The following PRKCZ variants were observed in gnomAD, a reference collection of about 807,000 sequenced individuals.
PRKCZ encodes the protein protein kinase C zeta, also known as protein kinase C zeta type.
PRKCZ carries 33 observed loss-of-function variants against 79.5 expected under a neutral mutation model. That is an observed-to-expected ratio of 0.41 (90% CI 0.31 to 0.55). The LOEUF (loss-of-function observed/expected upper bound fraction) is 0.55. Ranked by LOEUF, PRKCZ falls within the 20% of genes least tolerant of loss-of-function variation. PRKCZ has a pLI of 0.19. For missense variants in PRKCZ, 578 were observed against 813.5 expected (o/e 0.71, Z 3.52); for synonymous variants, 342 against 320.9 (o/e 1.07, Z -0.70).
chr1:2,157,817 A>T (rs932477799), intron 10 of PRKCZ, among the ~76,000 whole-genome samples: 1 of 151,104 alleles, frequency 6.6e-6, no homozygotes, highest in African/African-American at 2.4e-5. Flanking sequence ...TGCTGGGATT[A>T]CAGGTGTCCA....
intron 5 of PRKCZ, among the ~76,000 whole-genome samples, chr1:2,139,538 G>A (rs187203138): frequency 3.9e-5 from 6 of 152,224 alleles, no homozygotes; most frequent in Admixed American, 2.0e-4. Context: ...GTAGTGAGCC[G>A]AGATGGCACC....
intron 10 of PRKCZ, chr1:2,169,149 C>G (rs557746096): frequency 8.9e-5 from 41 of 459,754 alleles, no homozygotes; most frequent in African/African-American, 8.0e-4. Context: ...CTGCCTCGCT[C>G]CAGCCCCCAG....
At chr1:2,129,046 G>T (rs905487542) in intron 4 of PRKCZ, among the ~76,000 whole-genome samples, 25 of 152,120 alleles carry the variant, frequency 1.6e-4, no homozygotes, top group Non-Finnish European at 2.9e-5. Context: ...TGTGACTTTT[G>T]AGGGGTGGGG....
intron 2 of PRKCZ, 54 bp from the exon 3 acceptor site, chr1:2,056,429 GC>G: frequency 6.6e-7 from 1 of 1,520,260 alleles, no homozygotes; most frequent in South Asian, 1.2e-5. Flanking sequence ...GCTCGTCACA[GC>G]CCCCTTTGCC....
chr1:2,083,603 C>T (rs1322275266), intron 4 of PRKCZ, among the ~76,000 whole-genome samples: 1 of 152,194 alleles, frequency 6.6e-6, no homozygotes, highest in Non-Finnish European at 1.5e-5. Flanking sequence ...TGAGCCATCA[C>T]ACCTGCCTCT....
In PRKCZ at chr1:2,159,135, G is replaced by T. The variant is rs767708159; in HGVS notation, c.974+3043G>T. Among the ~76,000 whole-genome samples, 79 of 152,200 alleles carry T rather than the reference G, an allele frequency of 5.2e-4. 2 individuals are homozygous for T. Among genetic ancestry groups the T allele is most frequent in the Admixed American group, 3.2e-3 (49 of 15,286 alleles). On this transcript the variant is annotated intron_variant, in intron 10 of 17. Coordinates refer to ENST00000378567, the MANE Select transcript of PRKCZ (RefSeq NM_002744.6). The stretch of plus-strand genomic sequence containing the variant: ...AGAAACGGGGTGAGCTCCGGGTTGG[G>T]GGGAGGACCGGCAGCTGCCTTAGTC...
chr1:2,124,999 T>C (rs996155594), intron 4 of PRKCZ, among the ~76,000 whole-genome samples: 3 of 152,200 alleles, frequency 2.0e-5, no homozygotes, highest in Non-Finnish European at 4.4e-5. Flanking sequence ...TTCTGAGTTA[T>C]TGTGACTCAG....
chr1:2,148,688 AGGTGT>A (rs1302985182), intron 7 of PRKCZ, among the ~76,000 whole-genome samples, 179 bp from the exon 8 acceptor site: 3 of 152,240 alleles, frequency 2.0e-5, no homozygotes, highest in African/African-American at 4.8e-5. Context: ...CAGAGTCGGC[AGGTGT>A]GAGTGGGGCC....
chr1:2,057,671 AC>A (rs967317613), intron 3 of PRKCZ, among the ~76,000 whole-genome samples: 2 of 151,868 alleles, frequency 1.3e-5, no homozygotes, highest in African/African-American at 4.8e-5. Flanking sequence ...TTCAAGACCA[AC>A]CTGGGCAACA....
chr1:2,095,076 G>A (rs2102523451), intron 4 of PRKCZ, among the ~76,000 whole-genome samples: 1 of 152,302 alleles, frequency 6.6e-6, no homozygotes. Flanking sequence ...CAGGGTGGTG[G>A]TTTGGGCAGC....
rs781413449 is a variant in PRKCZ, at chr1:2,174,480, C to T, written c.1406-274C>T. On this transcript the variant is annotated intron_variant, in intron 14 of 17. Coordinates refer to ENST00000378567, the MANE Select transcript of PRKCZ (RefSeq NM_002744.6). The surrounding 1 kb of genome is among the most constrained non-coding windows in gnomAD (Gnocchi z 6.2). ...GCGGTGCCCTCTGGTGGCCAGCCTG[C>T]AGAGGCACCCGTGTACCTGCGATCT... is the stretch of plus-strand genomic sequence containing the variant. Among the ~76,000 whole-genome samples the T allele has an allele frequency of 2.6e-5, 4 of 152,268 alleles. No homozygotes were observed. Among genetic ancestry groups the T allele is most frequent in the Non-Finnish European group, 4.4e-5 (3 of 68,052 alleles).
At chr1:2,103,027 G>T (rs1331179792) in intron 4 of PRKCZ, among the ~76,000 whole-genome samples, 1 of 152,024 alleles carries the variant, frequency 6.6e-6, no homozygotes, top group Non-Finnish European at 1.5e-5. Context: ...GCACCACCAC[G>T]CTTGGCTAAT....
intron 9 of PRKCZ, among the ~76,000 whole-genome samples, chr1:2,155,700 C>T (rs908590841): frequency 1.3e-4 from 17 of 132,794 alleles, no homozygotes; most frequent in African/African-American, 3.0e-4. Context: ...ACAATGATGA[C>T]GGTAATGGTG....
intron 10 of PRKCZ, chr1:2,169,232 A>G: frequency 6.1e-6 from 3 of 495,586 alleles, no homozygotes; most frequent in Middle Eastern, 3.0e-4. Flanking sequence ...CACCTCCTTC[A>G]TTCCGGGGCC....
chr1:2,066,483 C>G (rs954053712), intron 4 of PRKCZ, among the ~76,000 whole-genome samples: 2 of 152,248 alleles, frequency 1.3e-5, no homozygotes, highest in African/African-American at 4.8e-5. Context: ...GCTGGCATTA[C>G]AGGCACATGC....
rs777206465 is a variant in PRKCZ at position 2,094,031 on chromosome 1, A to G, written c.334+34440A>G. On this transcript the variant is annotated intron_variant, in intron 4 of 17. Coordinates refer to ENST00000378567, the MANE Select transcript of PRKCZ (RefSeq NM_002744.6). This position sits in a 1 kb window ranked among gnomAD's most constrained non-coding sequence, Gnocchi z 7.3. ...TGTCTGCTCCCTGCGGCACGTCCAC[A>G]GCACCTGCCAGCCCACTTTGGGTGA... 2.0e-5 allele frequency among the ~76,000 whole-genome samples: 3 copies of G among 152,148 alleles called. No homozygotes were observed. The highest frequency in any genetic ancestry group is 4.4e-5 in the Non-Finnish European group (3 of 68,018).
At chr1:2,055,313 G>A in intron 1 of PRKCZ, 128 bp from the exon 2 acceptor site, 1 of 1,149,560 alleles carries the variant, frequency 8.7e-7, no homozygotes, top group Non-Finnish European at 1.2e-6. Context: ...GGAGGGGGTG[G>A]GGCTGTCATA....
rs747337134 is a variant in PRKCZ at position 2,135,314 on chromosome 1, C to T, written c.387C>T (p.Asn129=). ...GATGGAGGAAGCTGTACCGTGCCAA[C>T]GGCCACCTCTTCCAAGCCAAGCGCT... ...ARRWRKLYRA[N]GHLFQAKRFN... Residue 129 remains asparagine, a synonymous_variant, in exon 5 of 18, where the codon AAC becomes AAT. Transcript: ENST00000378567. 9.9e-6 allele frequency: 16 copies of T among 1,613,266 alleles called. No individual in the cohort carries two copies. The highest frequency in any genetic ancestry group is 3.3e-5 in the Admixed American group (2 of 59,984).
In PRKCZ at chr1:2,125,865, G is replaced by A. The variant is rs1469921700; in HGVS notation, c.335-9397G>A. Among the ~76,000 whole-genome samples, 1 of 152,156 alleles carries A rather than the reference G, an allele frequency of 6.6e-6. No homozygotes were observed. The highest frequency in any genetic ancestry group is 2.4e-5 in the African/African-American group (1 of 41,444). On this transcript the variant is annotated intron_variant, in intron 4 of 17. Coordinates refer to ENST00000378567, the MANE Select transcript of PRKCZ (RefSeq NM_002744.6). This position sits in a 1 kb window ranked among gnomAD's most constrained non-coding sequence, Gnocchi z 4.2. Reference sequence around the variant, plus strand: ...GGGGATTTGCGCCCTGGAAGGAGCCGCCCGGCTGCCTCTCGCCAACATGCA... The same window carrying A: ...GGGGATTTGCGCCCTGGAAGGAGCCACCCGGCTGCCTCTCGCCAACATGCA...
Sources: gnomAD v4.1 joint callset for allele counts (sites outside exome capture counted in the v4.1 genomes callset) on GRCh38, gnomAD v4.1.1 for gene constraint, Gnocchi (gnomAD v3.1) non-coding constraint, MANE v1.5 for transcripts, NCBI Gene and HGNC (gene_info 2026-07-23, HGNC 2026-07-21) for gene names.